BCL11A: variants seen among roughly 807,000 people sequenced by gnomAD.
BCL11A encodes BCL11 transcription factor A.
BCL11A carries 2 observed loss-of-function variants against 55.9 expected under a neutral mutation model. The ratio of observed to expected loss-of-function variants is 0.04; its 90% CI spans 0.01 to 0.11. The LOEUF (loss-of-function observed/expected upper bound fraction) is 0.11. BCL11A is among the 10% of genes least tolerant of loss of function. BCL11A has a pLI of 1.00. For missense variants in BCL11A, 817 were observed against 1,137.1 expected, an observed-to-expected ratio of 0.72 and a Z score of 4.05; for synonymous variants, 465 against 473.4, an observed-to-expected ratio of 0.98 and a Z score of 0.23.
chr2:60,501,685 T>C (rs922070356), intron 2 of BCL11A, among the ~76,000 whole-genome samples: 2 of 152,018 alleles, frequency 1.3e-5, no homozygotes, highest in South Asian at 2.1e-4. Context: ...TTTATATTTT[T>C]AATAGAGATG....
At chr2:60,550,461 G>A (rs1386638721) in intron 1 of BCL11A, among the ~76,000 whole-genome samples, 3 of 152,052 alleles carry the variant, frequency 2.0e-5, no homozygotes, top group Non-Finnish European at 2.9e-5. Flanking sequence ...GGCAGGAGGT[G>A]GGGGAGGCTC....
At chr2:60,507,770 C>T (rs1269667345) in intron 2 of BCL11A, among the ~76,000 whole-genome samples, 2 of 151,114 alleles carry the variant, frequency 1.3e-5, no homozygotes, top group East Asian at 2.0e-4. Flanking sequence ...GGGTGGGGGG[C>T]GACGGGTGCG....
chr2:60,468,575 T>C (rs904747895), intron 3 of BCL11A, among the ~76,000 whole-genome samples, 157 bp downstream of exon 3: 1 of 152,024 alleles, frequency 6.6e-6, no homozygotes, highest in African/African-American at 2.4e-5. Flanking sequence ...TGGGGCTGAG[T>C]GGAGTGGGGA....
In BCL11A at chr2:60,458,320, G is replaced by C; in HGVS notation, c.*2084C>G. 3.9e-6 allele frequency: 4 copies of C among 1,022,288 alleles called. No homozygotes were observed. The highest frequency in any genetic ancestry group is 4.7e-6 in the Non-Finnish European group (4 of 853,404). The allele number at this position is 1,022,288 out of a possible 1,614,324, so 63.3% of individuals were successfully genotyped here. On this transcript the variant is annotated 3_prime_UTR_variant, in exon 4 of 4. Transcript: ENST00000642384. ...AAGAGCGGTGTGTATCCAAGGCATA[G>C]AATTTCCACTACCATTTTTAAATGG...
At position 60,483,455 on chromosome 2, in the gene BCL11A, C is replaced by T. The variant is rs117081122; in HGVS notation, c.386-14622G>A. ...GTCCCAGATGATCTCAGGCAAGTCC[C>T]CAGGTATAGCTGCAGTCCCTTTAGC... is the stretch of plus-strand genomic sequence containing the variant. On this transcript the variant is annotated intron_variant, in intron 2 of 3. Transcript: ENST00000642384. Among the ~76,000 whole-genome samples, 12 of 152,334 alleles carry T rather than the reference C, an allele frequency of 7.9e-5. No homozygotes were observed. The East Asian group carries it at 2.3e-3, about 29-fold the overall frequency.
intron 2 of BCL11A, chr2:60,522,530 A>C (rs1161258852): frequency 6.6e-6 from 1 of 152,136 alleles, no homozygotes. Flanking sequence ...AGAGAATCAC[A>C]CTCTCTAAAA....
intron 2 of BCL11A, among the ~76,000 whole-genome samples, chr2:60,477,102 C>A (rs1437442263): frequency 6.6e-6 from 1 of 152,150 alleles, no homozygotes; most frequent in Admixed American, 6.5e-5. Flanking sequence ...CATTTGGACA[C>A]CTGGAAAGCC....
intron 2 of BCL11A, among the ~76,000 whole-genome samples, chr2:60,517,977 A>C (rs1411591503): frequency 6.8e-6 from 1 of 147,194 alleles, no homozygotes; most frequent in Admixed American, 6.7e-5. Flanking sequence ...GAGGAGAGAA[A>C]ATTTTTAAAA....
intron 2 of BCL11A, among the ~76,000 whole-genome samples, chr2:60,521,075 A>G (rs1038062365): frequency 1.3e-5 from 1 of 78,642 alleles, no homozygotes; most frequent in African/African-American, 4.0e-5. Flanking sequence ...CAGCACACAC[A>G]CACACACACA....
intron 2 of BCL11A, among the ~76,000 whole-genome samples, chr2:60,498,013 G>T (rs1359154608): frequency 1.3e-5 from 2 of 152,090 alleles, no homozygotes; most frequent in Non-Finnish European, 2.9e-5. Flanking sequence ...AGAGGCCCAT[G>T]GAGGTGGGGA....
chr2:60,452,065 G>A (rs1012304647), exon 5 of BCL11A: 29 of 188,836 alleles, frequency 1.5e-4, no homozygotes, highest in Non-Finnish European at 2.3e-4. Context: ...CCACCCGATG[G>A]GTGTCTGTAG....
At chr2:60,487,956 G>A (rs1404795597) in intron 2 of BCL11A, among the ~76,000 whole-genome samples, 3 of 152,162 alleles carry the variant, frequency 2.0e-5, no homozygotes, top group African/African-American at 4.8e-5. Flanking sequence ...TACTGACTTG[G>A]TTTTCCCAAC....
chr2:60,519,726 G>A (rs931581895), intron 2 of BCL11A, among the ~76,000 whole-genome samples: 2 of 152,190 alleles, frequency 1.3e-5, no homozygotes, highest in Admixed American at 6.5e-5. Flanking sequence ...ATGCAGCTGG[G>A]AGCCACTGGT....
At chr2:60,452,863 C>A, downstream of BCL11A, 1 of 529,054 alleles carries the variant, frequency 1.9e-6, no homozygotes, top group Non-Finnish European at 3.4e-6. Flanking sequence ...GTCGTCTTCC[C>A]ATGCCTCCCT....
chr2:60,488,802 CG>C (rs112371535), intron 2 of BCL11A, among the ~76,000 whole-genome samples: 2,669 of 152,210 alleles, frequency 0.018, 74 homozygotes, highest in African/African-American at 0.061. Context: ...TCTTGTTGCC[CG>C]GGCTGGAGTG....
intron 2 of BCL11A, among the ~76,000 whole-genome samples, chr2:60,498,021 G>A (rs1679051638): frequency 6.6e-6 from 1 of 152,024 alleles, no homozygotes; most frequent in African/African-American, 2.4e-5. Context: ...ATGGAGGTGG[G>A]GAGATGAGGG....
At chr2:60,463,221 C>A (rs1676411340) in intron 3 of BCL11A, among the ~76,000 whole-genome samples, 1 of 152,164 alleles carries the variant, frequency 6.6e-6, no homozygotes, top group Non-Finnish European at 1.5e-5. Context: ...TAGGCTGTAT[C>A]CAATCTTTAG....
At chr2:60,495,022 T>C (rs1678863962) in intron 2 of BCL11A, among the ~76,000 whole-genome samples, 1 of 152,130 alleles carries the variant, frequency 6.6e-6, no homozygotes, top group Non-Finnish European at 1.5e-5. Context: ...TGGACAATTA[T>C]GAGGAGGGGA....
At position 60,495,881 on chromosome 2, in the gene BCL11A, A is replaced by G. The variant is rs1460179736; in HGVS notation, c.386-27048T>C. 2.6e-5 allele frequency: 4 copies of G among 152,246 alleles called. No individual in the cohort carries two copies. The East Asian group carries it at 7.7e-4, about 29-fold the overall frequency. 9.4% of individuals were successfully genotyped at this position (152,246 alleles called of 1,614,324 possible). Reference sequence around the variant, plus strand: ...GGGCAGAGAAGGCACAGTGAAGTCAAACTGTAATTCCAGGCTCTAAATGGT... The same window carrying G: ...GGGCAGAGAAGGCACAGTGAAGTCAGACTGTAATTCCAGGCTCTAAATGGT... On this transcript the variant is annotated intron_variant, in intron 2 of 3. Coordinates refer to ENST00000642384, the MANE Select transcript of BCL11A (RefSeq NM_022893.4).
Sources: allele counts gnomAD v4.1 joint callset (sites outside exome capture counted in the v4.1 genomes callset), GRCh38; gene constraint gnomAD v4.1.1; transcripts MANE v1.5; gene names NCBI Gene and HGNC (gene_info 2026-07-23, HGNC 2026-07-21).